The following IQSEC1 variants were observed in gnomAD, a reference collection of about 807,000 sequenced individuals.
The protein encoded by IQSEC1 is IQ motif and SEC7 domain-containing protein 1.
In IQSEC1, 31 loss-of-function variants were observed where a neutral mutation model predicts 91.0. That is an observed-to-expected ratio of 0.34 (90% CI 0.26 to 0.46). The LOEUF (loss-of-function observed/expected upper bound fraction) is 0.46, where lower values mean the gene tolerates loss of function less well. IQSEC1 is among the 20% of genes least tolerant of loss of function. The pLI, the probability that IQSEC1 is intolerant of heterozygous loss-of-function variation, is 1.00. For missense variants in IQSEC1, 1,388 were observed against 1,575.6 expected, an observed-to-expected ratio of 0.88 and a Z score of 2.02; for synonymous variants, 699 against 662.6, an observed-to-expected ratio of 1.05 and a Z score of -0.84.
chr3:12,957,329 C>T (rs1277056124), intron 1 of IQSEC1, among the ~76,000 whole-genome samples: 1 of 152,200 alleles, frequency 6.6e-6, no homozygotes, highest in East Asian at 1.9e-4. Flanking sequence ...ACGCTTGTCC[C>T]TGGCTAAGAA....
chr3:13,263,402 A>G (rs2125132562), intron 1 of IQSEC1, among the ~76,000 whole-genome samples: 1 of 139,644 alleles, frequency 7.2e-6, no homozygotes, highest in East Asian at 2.3e-4. Flanking sequence ...TTTGGGGGGA[A>G]AAAAGTACCT....
intron 1 of IQSEC1, among the ~76,000 whole-genome samples, chr3:12,947,909 G>A (rs528821832): frequency 3.9e-5 from 6 of 152,370 alleles, no homozygotes; most frequent in Non-Finnish European, 5.9e-5. Context: ...ATGGCTGGGT[G>A]AAGCGCTAGA....
At chr3:13,041,728 C>T (rs1704277952) in intron 1 of IQSEC1, among the ~76,000 whole-genome samples, 1 of 152,144 alleles carries the variant, frequency 6.6e-6, no homozygotes, top group East Asian at 1.9e-4. Context: ...GGGAGCAGTC[C>T]CCAAATCCAT....
intron 1 of IQSEC1, among the ~76,000 whole-genome samples, chr3:13,010,498 G>A (rs1702833944): frequency 6.6e-6 from 1 of 152,202 alleles, no homozygotes; most frequent in African/African-American, 2.4e-5. Flanking sequence ...ACCTGGAGCT[G>A]TTGGGGCCAT....
chr3:13,233,655 A>G (rs1022434051), intron 1 of IQSEC1, among the ~76,000 whole-genome samples: 4 of 152,110 alleles, frequency 2.6e-5, no homozygotes, highest in African/African-American at 9.7e-5. Context: ...CTGTCCTCAC[A>G]GCCGGGTGGG....
At chr3:13,163,923 C>T (rs958283685) in intron 2 of IQSEC1, among the ~76,000 whole-genome samples, 9 of 152,200 alleles carry the variant, frequency 5.9e-5, no homozygotes, top group African/African-American at 2.2e-4. Context: ...GCAGAGCCAA[C>T]AGACGTGCTC....
At chr3:13,043,461 T>C (rs1303338040) in intron 1 of IQSEC1, among the ~76,000 whole-genome samples, 1 of 152,198 alleles carries the variant, frequency 6.6e-6, no homozygotes, top group East Asian at 1.9e-4. Context: ...TTTGGTTCCA[T>C]GCAGTCTGCT....
intron 2 of IQSEC1, among the ~76,000 whole-genome samples, chr3:13,107,745 G>A (rs913848185): frequency 6.6e-6 from 1 of 152,304 alleles, no homozygotes; most frequent in East Asian, 1.9e-4. Flanking sequence ...GCAGAATCCC[G>A]CCCCTGGGCC....
chr3:13,240,473 G>A (rs1287291394), intron 1 of IQSEC1, among the ~76,000 whole-genome samples: 1 of 152,230 alleles, frequency 6.6e-6, no homozygotes, highest in Non-Finnish European at 1.5e-5. Context: ...AACACTCAGA[G>A]GCTTGGAGGA....
intron 2 of IQSEC1, among the ~76,000 whole-genome samples, chr3:13,142,310 G>C (rs1576269219): frequency 6.6e-6 from 1 of 152,234 alleles, no homozygotes; most frequent in African/African-American, 2.4e-5. Context: ...CTGCACAGGA[G>C]AGTCAGGGTG....
intron 1 of IQSEC1, among the ~76,000 whole-genome samples, chr3:13,011,781 G>A (rs541108836): frequency 7.2e-5 from 11 of 152,324 alleles, no homozygotes; most frequent in South Asian, 4.1e-4. Context: ...TGCCACTACC[G>A]GTAGATCAGA....
Position 12,901,181 on chromosome 3 carries a change from G to C in IQSEC1, c.3147C>G (p.Pro1049=). 6.5e-7 allele frequency: 1 copy of C among 1,543,312 alleles called. No individual in the cohort carries two copies. Among genetic ancestry groups the C allele is most frequent in the Non-Finnish European group, 8.7e-7 (1 of 1,142,954 alleles). The part of the protein sequence containing the change: ...PYHHHHHHHP[P]QHIQHAHQYH... ...ACTGGTGTGCGTGCTGGATGTGCTG[G>C]GGTGGGTGGTGGTGGTGGTGATGGT... The change falls in exon 14 of 14, where the codon CCC becomes CCG. Residue 1049 remains proline (P), a synonymous_variant. Transcript: ENST00000613206.
intron 5 of IQSEC1, among the ~76,000 whole-genome samples, chr3:12,921,290 G>A (rs1559624137): frequency 1.3e-5 from 2 of 152,154 alleles, no homozygotes. Context: ...AAGCCGTCCT[G>A]GAAGGAGGTG....
rs1488173273 is a variant in IQSEC1, at chr3:12,936,521, G to T, written c.495C>A (p.Phe165Leu). 2 of 1,613,516 alleles carry T rather than the reference G, an allele frequency of 1.2e-6. No homozygotes were observed. The highest frequency in any genetic ancestry group is 1.7e-6 in the Non-Finnish European group (2 of 1,180,024). ...GCACTTTCTCAGGCCCCTCAAAGGA[G>T]AACTGCATCCTCATGTTGGACAGCA... ...RIVLSNMRMQ[F>L]SFEGPEKVHS... The change falls in exon 3 of 14, where the codon TTC becomes TTA. Residue 165 changes from phenylalanine (F) to leucine (L), a missense_variant. Coordinates refer to ENST00000613206, the MANE Select transcript of IQSEC1 (RefSeq NM_001134382.3).
chr3:13,240,621 C>T (rs1333508514), intron 1 of IQSEC1, among the ~76,000 whole-genome samples: 2 of 152,176 alleles, frequency 1.3e-5, no homozygotes, highest in Non-Finnish European at 2.9e-5. Context: ...TGCCCCTCAG[C>T]GCCACCCTCA....
chr3:13,062,871 C>G (rs2125092296), intron 1 of IQSEC1, among the ~76,000 whole-genome samples: 1 of 152,274 alleles, frequency 6.6e-6, no homozygotes, highest in Non-Finnish European at 1.5e-5. Flanking sequence ...GGGATGAAGC[C>G]ATCGGTGCCA....
rs80059626 is a variant in IQSEC1 at position 13,000,215 on chromosome 3, G to A, written c.24-58350C>T. On this transcript the variant is annotated intron_variant, in intron 1 of 13. Transcript: ENST00000613206. ...GTTCAGTGAAAAAGAAATACAAATG[G>A]CCTGTAAACATTCAAAAAGATGTAC... Among the ~76,000 whole-genome samples, 498 of 152,204 alleles carry A rather than the reference G, an allele frequency of 3.3e-3. 21 individuals are homozygous for A. The East Asian group carries it at 0.08, about 25-fold the overall frequency.
At position 13,193,666 on chromosome 3, in the gene IQSEC1, G is replaced by A. The variant is rs1416654939; in HGVS notation, c.273-29533C>T. On this transcript the variant is annotated intron_variant, in intron 1 of 15. Transcript: ENST00000648114. The surrounding 1 kb of genome is among the most constrained non-coding windows in gnomAD (Gnocchi z 4.2). ...AGGGGTCTAGAACACTTAAGATGCG[G>A]GAAAGAGGCAGTTGGAGACCAAAGG... Among the ~76,000 whole-genome samples the A allele has an allele frequency of 2.0e-5, 3 of 152,182 alleles. No individual in the cohort carries two copies. Among genetic ancestry groups the A allele is most frequent in the Admixed American group, 1.3e-4 (2 of 15,276 alleles).
intron 1 of IQSEC1, among the ~76,000 whole-genome samples, chr3:13,187,563 G>A (rs1693956241): frequency 6.6e-6 from 1 of 152,184 alleles, no homozygotes; most frequent in African/African-American, 2.4e-5. Flanking sequence ...CATGAAAGCA[G>A]TGACTGCTCC....
Sources: allele counts gnomAD v4.1 joint callset (sites outside exome capture counted in the v4.1 genomes callset), GRCh38; gene constraint gnomAD v4.1.1; non-coding constraint Gnocchi (gnomAD v3.1); transcripts MANE v1.5; gene names NCBI Gene and HGNC (gene_info 2026-07-23, HGNC 2026-07-21).